ITGA1: variants seen among roughly 807,000 people sequenced by gnomAD.
ITGA1 encodes integrin alpha-1.
A neutral mutation model predicts 145.9 loss-of-function variants in ITGA1; 85 were observed. That is an observed-to-expected ratio of 0.58 (90% confidence interval 0.49 to 0.70). The LOEUF (loss-of-function observed/expected upper bound fraction) is 0.70, where lower values mean the gene tolerates loss of function less well. Among genes scored for constraint, ITGA1 ranks in the 30% least tolerant of loss-of-function variants. ITGA1 has a pLI of 0.00. For missense variants in ITGA1, 1,351 were observed against 1,418.7 expected, an observed-to-expected ratio of 0.95 and a Z score of 0.77; for synonymous variants, 520 against 495.3, an observed-to-expected ratio of 1.05 and a Z score of -0.66.
At chr5:52,923,052 A>G (rs1455324328) in intron 18 of ITGA1, among the ~76,000 whole-genome samples, 165 bp downstream of exon 18, 1 of 152,220 alleles carries the variant, frequency 6.6e-6, no homozygotes, top group Non-Finnish European at 1.5e-5. Context: ...AGGAATGGAG[A>G]AAGAGGGAGC....
rs75347143 is a variant in ITGA1, at chr5:52,944,864, T to C, written c.3286-79T>C. 5,913 of 955,406 alleles carry C rather than the reference T, an allele frequency of 6.2e-3. 245 individuals carry two copies. In the African/African-American group the frequency reaches 0.087, roughly 14 times the overall value. The allele number at this position is 955,406 out of a possible 1,614,324, so 59.2% of individuals were successfully genotyped here. On this transcript the variant is annotated intron_variant, in intron 26 of 28. Coordinates refer to ENST00000282588, the MANE Select transcript of ITGA1 (RefSeq NM_181501.2). The stretch of plus-strand genomic sequence containing the variant: ...TCTCTCAGAAAAATCTTAGCTTTTA[T>C]AAATGTCCTACTCAAACATGACTAG...
intron 1 of ITGA1, chr5:52,802,118 G>C (rs185120633): frequency 3.1e-6 from 1 of 323,486 alleles, no homozygotes; most frequent in Non-Finnish European, 5.7e-6. Flanking sequence ...CAGAAAATGT[G>C]TGTATTTAAA....
At chr5:52,890,130 T>C (rs577279745) in intron 8 of ITGA1, among the ~76,000 whole-genome samples, 10 of 152,290 alleles carry the variant, frequency 6.6e-5, no homozygotes, top group African/African-American at 2.4e-4. Context: ...AGCTCTCTTT[T>C]TTGGTAACTA....
intron 11 of ITGA1, among the ~76,000 whole-genome samples, chr5:52,898,764 CAT>C (rs1443794485): frequency 1.3e-5 from 2 of 152,148 alleles, no homozygotes; most frequent in Non-Finnish European, 2.9e-5. Context: ...AAACCAAACT[CAT>C]ATTGTCTTAA....
intron 23 of ITGA1, among the ~76,000 whole-genome samples, chr5:52,934,692 A>G (rs1268012970): frequency 6.6e-6 from 1 of 151,932 alleles, no homozygotes; most frequent in Non-Finnish European, 1.5e-5. Flanking sequence ...CAAGGAAAAA[A>G]GAGAGCACAA....
chr5:52,939,816 A>G (rs779407146), intron 25 of ITGA1, 24 bp from the exon 26 acceptor site: 1 of 1,490,288 alleles, frequency 6.7e-7, no homozygotes, highest in South Asian at 1.1e-5. Flanking sequence ...GAATACTGAT[A>G]TGTATCTCTG....
intron 27 of ITGA1, among the ~76,000 whole-genome samples, chr5:52,945,349 C>T (rs1253199407): frequency 2.0e-5 from 3 of 152,116 alleles, no homozygotes; most frequent in Admixed American, 2.0e-4. Flanking sequence ...TAACTTTCCT[C>T]CTTAAAAGCT....
chr5:52,812,108 GAA>G (rs1335184402), intron 1 of ITGA1, among the ~76,000 whole-genome samples: 2 of 152,200 alleles, frequency 1.3e-5, no homozygotes, highest in Non-Finnish European at 2.9e-5. Flanking sequence ...CTCTGGTTAA[GAA>G]AAGAGATGAA....
At chr5:52,942,949 T>A (rs372887538) in intron 26 of ITGA1, among the ~76,000 whole-genome samples, 7 of 152,328 alleles carry the variant, frequency 4.6e-5, no homozygotes, top group East Asian at 3.9e-4. Flanking sequence ...TAAAGTCATT[T>A]ATGAATTCTA....
At chr5:52,888,019 G>T (rs1750082252) in intron 8 of ITGA1, 54 bp downstream of exon 8, 2 of 1,520,194 alleles carry the variant, frequency 1.3e-6, no homozygotes, top group Non-Finnish European at 1.8e-6. Flanking sequence ...GAAGAGCTGT[G>T]TGCATATTGG....
In ITGA1 at chr5:52,889,433, T is replaced by G. The variant is rs188223910; in HGVS notation, c.924+1468T>G. Among the ~76,000 whole-genome samples the G allele has an allele frequency of 5.6e-4, 86 of 152,296 alleles. 1 individual carries two copies. Among genetic ancestry groups the G allele is most frequent in the African/African-American group, 2.0e-3 (83 of 41,576 alleles). ...GCATTTAATGATACAAATAAACAAG[T>G]CTTTCGTAGATTATAAACAGCAGCA... is the stretch of plus-strand genomic sequence containing the variant. On this transcript the variant is annotated intron_variant, in intron 8 of 28. Coordinates refer to ENST00000282588, the MANE Select transcript of ITGA1 (RefSeq NM_181501.2).
chr5:52,835,659 T>C (rs973568707), intron 1 of ITGA1, among the ~76,000 whole-genome samples: 3 of 152,160 alleles, frequency 2.0e-5, no homozygotes, highest in African/African-American at 7.2e-5. Flanking sequence ...TAGATGTGTG[T>C]GTGTATATAT....
At chr5:52,822,589 A>G (rs1748897224) in intron 1 of ITGA1, among the ~76,000 whole-genome samples, 1 of 152,204 alleles carries the variant, frequency 6.6e-6, no homozygotes. Flanking sequence ...CAAGTGGCCC[A>G]AGCCTGTTGC....
At chr5:52,904,834 C>G (rs1003723131) in intron 11 of ITGA1, 2 of 131,082 alleles carry the variant, frequency 1.5e-5, no homozygotes, top group Non-Finnish European at 1.6e-5. Context: ...ACCTGGACAA[C>G]AGAGCAAGAC....
At chr5:52,869,038 A>T (rs1039008056) in intron 6 of ITGA1, among the ~76,000 whole-genome samples, 4 of 152,200 alleles carry the variant, frequency 2.6e-5, no homozygotes, top group Non-Finnish European at 4.4e-5. Context: ...ATTATGGCTC[A>T]TGGAATTTCT....
chr5:52,890,785 G>A (rs1438426175), intron 8 of ITGA1, among the ~76,000 whole-genome samples: 1 of 152,116 alleles, frequency 6.6e-6, no homozygotes, highest in Non-Finnish European at 1.5e-5. Flanking sequence ...GTTTACTGTA[G>A]TTGTCCTATA....
At position 52,839,607 on chromosome 5, in the gene ITGA1, G is replaced by T. The variant is rs141733744; in HGVS notation, c.62-9758G>T. 1.4e-3 allele frequency among the ~76,000 whole-genome samples: 213 copies of T among 152,202 alleles called. 5 individuals carry two copies. The East Asian group carries it at 0.032, about 23-fold the overall frequency. ...GAAAAAGTTGTACCTTTATTAGCAG[G>T]TTCTTTTAAATGAATTTTATTAATT... On this transcript the variant is annotated intron_variant, in intron 1 of 28. Coordinates refer to ENST00000282588, the MANE Select transcript of ITGA1 (RefSeq NM_181501.2).
chr5:52,920,173 T>C (rs991553728), intron 16 of ITGA1, among the ~76,000 whole-genome samples, 159 bp from the exon 17 acceptor site: 6 of 152,224 alleles, frequency 3.9e-5, no homozygotes, highest in African/African-American at 1.4e-4. Flanking sequence ...TCATGACTGC[T>C]AATATCATTG....
chr5:52,869,224 G>A (rs544490237), intron 6 of ITGA1, among the ~76,000 whole-genome samples: 7 of 152,124 alleles, frequency 4.6e-5, no homozygotes, highest in Non-Finnish European at 1.5e-5. Flanking sequence ...GCAATGGTAC[G>A]ATCTTGGCTC....
Sources: gnomAD v4.1 joint callset for allele counts (sites outside exome capture counted in the v4.1 genomes callset) on GRCh38, gnomAD v4.1.1 for gene constraint, MANE v1.5 for transcripts, NCBI Gene and HGNC (gene_info 2026-07-23, HGNC 2026-07-21) for gene names.